VPREB3: variants seen among roughly 807,000 people sequenced by gnomAD.
VPREB3 encodes the protein V-set pre-B cell surrogate light chain 3.
A neutral mutation model predicts 12.9 loss-of-function variants in VPREB3; 14 were observed. That is an observed-to-expected ratio of 1.09 (90% confidence interval 0.72 to 1.70). The LOEUF (loss-of-function observed/expected upper bound fraction) is 1.70, where lower values mean the gene tolerates loss of function less well. Ranked by LOEUF, VPREB3 falls within the 40% of genes most tolerant of loss-of-function variation. The pLI, the probability that VPREB3 is intolerant of heterozygous loss-of-function variation, is 0.00. For synonymous variants in VPREB3, 78 were observed against 70.1 expected, an observed-to-expected ratio of 1.11 and a Z score of -0.56; for missense variants, 165 against 159.6, an observed-to-expected ratio of 1.03 and a Z score of -0.18.
Position 23,752,935 on chromosome 22 carries a change from C to T in VPREB3, c.313G>A (p.Val105Met), listed in dbSNP as rs141816057. Residue 105 changes from valine to methionine, a missense_variant, in exon 2 of 2, where the codon GTG (valine) becomes ATG (methionine). Transcript: ENST00000248948. ...TAATCCGCGTCGTCTTCAGGCTGCA[C>T]GGGACTAATGGTGAGGACACAGGCA... ...HNACVLTISP[V>M]QPEDDADYYC... 6.9e-5 allele frequency: 111 copies of T among 1,613,998 alleles called. No homozygotes were observed. Among genetic ancestry groups the T allele is most frequent in the East Asian group, 2.7e-4 (12 of 44,884 alleles).
intron 1 of VPREB3, 35 bp downstream of exon 1, chr22:23,754,280 C>A: frequency 6.3e-7 from 1 of 1,578,934 alleles, no homozygotes; most frequent in East Asian, 2.3e-5. Flanking sequence ...TTCCCCACCC[C>A]ACACCCAGGT....
intron 1 of VPREB3, among the ~76,000 whole-genome samples, chr22:23,753,750 TAAG>T (rs1925431844): frequency 6.6e-6 from 1 of 152,080 alleles, no homozygotes; most frequent in Non-Finnish European, 1.5e-5. Flanking sequence ...TGTGAAAAAC[TAAG>T]AAGGAGACCC....
intron 1 of VPREB3, 122 bp from the exon 2 acceptor site, chr22:23,753,320 T>C (rs941664009): frequency 9.4e-7 from 1 of 1,064,996 alleles, no homozygotes; most frequent in African/African-American, 1.6e-5. Flanking sequence ...GCTATGGGAT[T>C]AGCAATGAAC....
In VPREB3 at chr22:23,752,956, A is replaced by G. The variant is rs1334470817; in HGVS notation, c.292T>C (p.Cys98Arg). 1 of 1,614,136 alleles carries G rather than the reference A, an allele frequency of 6.2e-7. No individual in the cohort carries two copies. The highest frequency in any genetic ancestry group is 1.7e-5 in the Admixed American group (1 of 60,008). ...SAAKDEAHNA[C>R]VLTISPVQPE... ...TGCACGGGACTAATGGTGAGGACAC[A>G]GGCATTGTGGGCCTCATCCTTGGCT... Residue 98 changes from cysteine to arginine, a missense_variant, in exon 2 of 2, where the codon TGT becomes CGT. Physicochemically the swap from Cys to Arg is radical, Grantham distance 180 (BLOSUM62 -3). Transcript: ENST00000248948.
chr22:23,753,562 C>T (rs1311813761), intron 1 of VPREB3, among the ~76,000 whole-genome samples: 1 of 152,158 alleles, frequency 6.6e-6, no homozygotes, highest in Non-Finnish European at 1.5e-5. Flanking sequence ...CCCCCACTTC[C>T]CCGCCCACTT....
intron 1 of VPREB3, 148 bp from the exon 2 acceptor site, chr22:23,753,346 T>G: frequency 2.3e-6 from 2 of 851,854 alleles, no homozygotes; most frequent in South Asian, 3.6e-5. Context: ...GCAGGAGGCC[T>G]GGTTCTGTGT....
rs764452023 is a variant in VPREB3 at position 23,752,879 on chromosome 22, G to A, written c.369C>T (p.Pro123=). ...YYCSVGYGFS[P] ...GCACCCATCTCACACCCCACCCCTA[G>A]GGACTAAAGCCGTAGCCAACAGAGC... is the stretch of plus-strand genomic sequence containing the variant. Residue 123 remains proline (P), a synonymous_variant, in exon 2 of 2, where the codon CCC becomes CCT. Coordinates refer to ENST00000248948, the MANE Select transcript of VPREB3 (RefSeq NM_013378.3). 4 of 1,607,916 alleles carry A rather than the reference G, an allele frequency of 2.5e-6. No individual in the cohort carries two copies. Among genetic ancestry groups the A allele is most frequent in the Non-Finnish European group, 2.6e-6 (3 of 1,175,196 alleles).
chr22:23,753,021 T>C lies in VPREB3; in HGVS notation c.227A>G (p.Asp76Gly). The change falls in exon 2 of 2, where the codon GAT (aspartate) becomes GGT (glycine). Residue 76 changes from aspartate (D) to glycine (G), a missense_variant. Asp to Gly is a moderately conservative substitution (Grantham distance 94). Coordinates refer to ENST00000248948, the MANE Select transcript of VPREB3 (RefSeq NM_013378.3). The stretch of plus-strand genomic sequence containing the variant: ...GGGGATGTCAGCAGGCCGGTGGTGA[T>C]CCTCCTCCGAGCGGTAGTAGAGGAG... Reference protein sequence around the residue: ...RYLLYYRSEEDHHRPADIPDR... With the variant: ...RYLLYYRSEEGHHRPADIPDR... 6.2e-7 allele frequency: 1 copy of C among 1,614,020 alleles called. No individual in the cohort carries two copies. Among genetic ancestry groups the C allele is most frequent in the Non-Finnish European group, 8.5e-7 (1 of 1,179,978 alleles).
chr22:23,754,066 C>A (rs1925439951), intron 1 of VPREB3, among the ~76,000 whole-genome samples: 1 of 152,078 alleles, frequency 6.6e-6, no homozygotes, highest in African/African-American at 2.4e-5. Context: ...GCCTGTAATC[C>A]CAGCTACTCA....
intron 1 of VPREB3, 42 bp downstream of exon 1, chr22:23,754,273 C>T (rs1443320541): frequency 6.4e-7 from 1 of 1,573,600 alleles, no homozygotes; most frequent in Admixed American, 1.9e-5. Context: ...AGTACTGTTC[C>T]CCACCCCACA....
rs1300725317 is a variant in VPREB3 at position 23,752,751 on chromosome 22, A to G, written c.*125T>C. ...ATGACCCTCACAATAGCTGTTGTTG[A>G]CATGTTGAATATTATTAACCCATTT... is the stretch of plus-strand genomic sequence containing the variant. On this transcript the variant is annotated 3_prime_UTR_variant, in exon 2 of 2. Coordinates refer to ENST00000248948, the MANE Select transcript of VPREB3 (RefSeq NM_013378.3). 2 of 914,278 alleles carry G rather than the reference A, an allele frequency of 2.2e-6. No individual in the cohort carries two copies. Among genetic ancestry groups the G allele is most frequent in the Non-Finnish European group, 3.3e-6 (2 of 604,650 alleles). The allele number at this position is 914,278 out of a possible 1,614,324, so 56.6% of individuals were successfully genotyped here.
Position 23,753,070 on chromosome 22 carries a change from G to A in VPREB3, c.178C>T (p.Arg60Trp), listed in dbSNP as rs199935219. The change falls in exon 2 of 2, where the codon CGG (arginine) becomes TGG (tryptophan). Residue 60 changes from arginine to tryptophan, a missense_variant. By Grantham distance (101) the Arg-to-Trp change is moderately radical. Transcript: ENST00000248948. ...AGATATCGAGGGGCACTGCCTGCCC[G>A]CTGCTGGTACCAGGACACACCGTAG... ...RDYGVSWYQQ[R>W]AGSAPRYLLY... 5.2e-5 allele frequency: 84 copies of A among 1,614,042 alleles called. No individual in the cohort carries two copies. The highest frequency in any genetic ancestry group is 1.2e-4 in the South Asian group (11 of 91,090).
chr22:23,754,234 T>A (rs1601326561), intron 1 of VPREB3, 81 bp downstream of exon 1: 3 of 1,470,270 alleles, frequency 2.0e-6, no homozygotes, highest in Non-Finnish European at 2.8e-6. Flanking sequence ...CCCCATCGAT[T>A]TGCCTCCTTG....
Position 23,753,054 on chromosome 22 carries a change from G to A in VPREB3, c.194C>T (p.Pro65Leu). 1 of 1,614,170 alleles carries A rather than the reference G, an allele frequency of 6.2e-7. No homozygotes were observed. The highest frequency in any genetic ancestry group is 8.5e-7 in the Non-Finnish European group (1 of 1,180,034). Residue 65 changes from proline (P) to leucine (L), a missense_variant, in exon 2 of 2, where the codon CCT becomes CTT. By Grantham distance (98) the Pro-to-Leu change is moderately conservative. Coordinates refer to ENST00000248948, the MANE Select transcript of VPREB3 (RefSeq NM_013378.3). ...SWYQQRAGSA[P>L]RYLLYYRSEE... ...CGAGCGGTAGTAGAGGAGATATCGA[G>A]GGGCACTGCCTGCCCGCTGCTGGTA...
chr22:23,753,462 G>A (rs927910893), intron 1 of VPREB3, among the ~76,000 whole-genome samples: 5 of 152,136 alleles, frequency 3.3e-5, no homozygotes, highest in Admixed American at 6.5e-5. Context: ...TCTGTGTTCA[G>A]TTAAAGGCCC....
rs563877168 is a variant in VPREB3 at position 23,753,525 on chromosome 22, C to T, written c.50-327G>A. Among the ~76,000 whole-genome samples the T allele has an allele frequency of 4.9e-4, 75 of 152,258 alleles. 1 individual carries two copies. The highest frequency in any genetic ancestry group is 4.2e-3 in the Admixed American group (64 of 15,290). On this transcript the variant is annotated intron_variant, in intron 1 of 1. Transcript: ENST00000248948. ...TCTAGGTCCCTCTGCTACCCACCCA[C>T]GTTTCTCTGCAGAACTGCACCCCTC...
intron 1 of VPREB3, 116 bp downstream of exon 1, chr22:23,754,199 C>G: frequency 9.5e-7 from 1 of 1,052,032 alleles, no homozygotes; most frequent in South Asian, 1.5e-5. Context: ...AAAAAAAATA[C>G]CCCTCCCAGG....
intron 1 of VPREB3, 95 bp downstream of exon 1, chr22:23,754,220 C>A: frequency 2.3e-6 from 3 of 1,329,462 alleles, no homozygotes; most frequent in African/African-American, 1.5e-5. Context: ...ACCTGCCCTA[C>A]TGTCCCCATC....
rs770364007 is a variant in VPREB3 at position 23,752,794 on chromosome 22, G to T, written c.*82C>A. The T allele has an allele frequency of 1.5e-6, 2 of 1,354,240 alleles. No homozygotes were observed. Among genetic ancestry groups the T allele is most frequent in the Non-Finnish European group, 2.1e-6 (2 of 974,174 alleles). The allele number at this position is 1,354,240 out of a possible 1,614,324, so 83.9% of individuals were successfully genotyped here. ...ACCCATTTTACAGAGGGGAAGCAAG[G>T]CTCAGAGAAAGTTTAAAAGGGACCC... On this transcript the variant is annotated 3_prime_UTR_variant, in exon 2 of 2. Transcript: ENST00000248948.
Sources: allele counts gnomAD v4.1 joint callset (sites outside exome capture counted in the v4.1 genomes callset), GRCh38; gene constraint gnomAD v4.1.1; transcripts MANE v1.5; gene names NCBI Gene and HGNC (gene_info 2026-07-23, HGNC 2026-07-21).